NPTN: variants seen among roughly 807,000 people sequenced by gnomAD.
NPTN encodes neuroplastin.
NPTN carries 5 observed loss-of-function variants against 42.7 expected under a neutral mutation model. The ratio of observed to expected loss-of-function variants is 0.12; its 90% CI spans 0.06 to 0.25. The LOEUF (loss-of-function observed/expected upper bound fraction) is 0.25, where lower values mean the gene tolerates loss of function less well. Ranked by LOEUF, NPTN falls within the 10% of genes least tolerant of loss-of-function variation. NPTN has a pLI of 1.00. For missense variants in NPTN, 307 were observed against 525.4 expected, an observed-to-expected ratio of 0.58 and a Z score of 4.06; for synonymous variants, 180 against 201.9, an observed-to-expected ratio of 0.89 and a Z score of 0.92.
intron 1 of NPTN, among the ~76,000 whole-genome samples, chr15:73,600,231 A>G: frequency 6.6e-6 from 1 of 152,214 alleles, no homozygotes; most frequent in Non-Finnish European, 1.5e-5. Flanking sequence ...TGGGACCAAG[A>G]CAAAAATGTT....
chr15:73,578,005 A>T (rs887156448), intron 4 of NPTN, among the ~76,000 whole-genome samples: 4 of 152,208 alleles, frequency 2.6e-5, no homozygotes, highest in African/African-American at 7.2e-5. Flanking sequence ...TATCTGTAGG[A>T]AGAACACTCT....
chr15:73,570,260 C>T lies in NPTN; in HGVS notation c.1004G>A (p.Ser335Asn). Residue 335 changes from serine (S) to asparagine (N), a missense_variant, in exon 6 of 9, where the codon AGC becomes AAC. Ser to Asn is a conservative substitution (Grantham distance 46). Around this residue, in one of 2 missense-constraint regions of NPTN, gnomAD observed 264 missense variants for 491.1 expected, o/e 0.54. Transcript: ENST00000345330. This position sits in a 1 kb window ranked among gnomAD's most constrained non-coding sequence, Gnocchi z 4.0. ...GAAAGGCCAGAGTGGGGCCAGGTGG[C>T]TCCGCACCCTGAGGACAGTGACAAC... Reference protein sequence around the residue: ...ASVVTVLRVRSHLAPLWPFLG... With the variant: ...ASVVTVLRVRNHLAPLWPFLG... 1 of 1,614,242 alleles carries T rather than the reference C, an allele frequency of 6.2e-7. No homozygotes were observed. The highest frequency in any genetic ancestry group is 8.5e-7 in the Non-Finnish European group (1 of 1,180,052).
chr15:73,623,154 C>T (rs921293227), intron 1 of NPTN, among the ~76,000 whole-genome samples: 3 of 152,162 alleles, frequency 2.0e-5, no homozygotes, highest in Non-Finnish European at 4.4e-5. Flanking sequence ...TAAAGTCTAA[C>T]GGGCTCTTTA....
chr15:73,613,549 G>A (rs774682026), intron 1 of NPTN, among the ~76,000 whole-genome samples: 5 of 151,956 alleles, frequency 3.3e-5, no homozygotes, highest in Non-Finnish European at 7.4e-5. Context: ...ATCATATTTA[G>A]TAAAATCATA....
chr15:73,562,825 C>T (rs1397466350), intron 7 of NPTN, among the ~76,000 whole-genome samples: 1 of 151,990 alleles, frequency 6.6e-6, no homozygotes, highest in Non-Finnish European at 1.5e-5. Context: ...AATTTTGTGG[C>T]ACAATATGAG....
chr15:73,606,386 A>G (rs1440344985), intron 1 of NPTN, among the ~76,000 whole-genome samples: 1 of 152,216 alleles, frequency 6.6e-6, no homozygotes, highest in Admixed American at 6.5e-5. Context: ...TCACTTCCCA[A>G]CTTCACAAAT....
At chr15:73,580,835 A>G (rs1204704021) in intron 4 of NPTN, among the ~76,000 whole-genome samples, 2 of 152,036 alleles carry the variant, frequency 1.3e-5, no homozygotes, top group African/African-American at 4.8e-5. Flanking sequence ...GCAGAGCTTC[A>G]GACCTGAAAA....
Position 73,569,876 on chromosome 15 carries a change from G to A in NPTN, c.1114+274C>T. On this transcript the variant is annotated intron_variant, in intron 6 of 8. Transcript: ENST00000345330. This position sits in a 1 kb window ranked among gnomAD's most constrained non-coding sequence, Gnocchi z 4.1. ...CCCATTCACCACATGGGGCCTGAAA[G>A]GCAGATGGGACTAGGGTTTGGAAAA... 1 of 929,738 alleles carries A rather than the reference G, an allele frequency of 1.1e-6. No homozygotes were observed. The highest frequency in any genetic ancestry group is 1.8e-5 in the African/African-American group (1 of 56,186). The allele number at this position is 929,738 out of a possible 1,614,324, so 57.6% of individuals were successfully genotyped here.
intron 1 of NPTN, among the ~76,000 whole-genome samples, chr15:73,612,583 T>C (rs10851863): frequency 0.54 from 82,563 of 151,618 alleles, 22,575 homozygotes; most frequent in African/African-American, 0.56. Context: ...CTGGCTAACA[T>C]GGTGAAACCC....
chr15:73,569,935 C>T lies in NPTN; in HGVS notation c.1114+215G>A, dbSNP rs902294927. On this transcript the variant is annotated intron_variant, in intron 6 of 8. Transcript: ENST00000345330. This position sits in a 1 kb window ranked among gnomAD's most constrained non-coding sequence, Gnocchi z 4.1. ...CAGAGGGAGAGAGCTAAGGACAGCT[C>T]TAGATGGCTAATGCAAAAAAAATAA... 1 of 415,380 alleles carries T rather than the reference C, an allele frequency of 2.4e-6. No homozygotes were observed. Among genetic ancestry groups the T allele is most frequent in the Non-Finnish European group, 3.2e-6 (1 of 309,734 alleles). The allele number at this position is 415,380 out of a possible 1,614,324, so 25.7% of individuals were successfully genotyped here. A position where few individuals can be genotyped will look rare whatever the true frequency, so the allele number is the denominator to read the frequency against.
chr15:73,576,546 C>T (rs967025580), intron 4 of NPTN, among the ~76,000 whole-genome samples: 2 of 152,154 alleles, frequency 1.3e-5, no homozygotes, highest in African/African-American at 4.8e-5. Flanking sequence ...CCAGGCTGGT[C>T]TCAAACTACT....
chr15:73,605,101 G>C (rs553401507), intron 1 of NPTN, among the ~76,000 whole-genome samples: 31 of 135,130 alleles, frequency 2.3e-4, no homozygotes, highest in South Asian at 1.8e-3. Context: ...CTGTCTCAAG[G>C]GGGGGGGGGG....
chr15:73,609,774 A>G (rs899981261), intron 1 of NPTN, among the ~76,000 whole-genome samples: 2 of 152,212 alleles, frequency 1.3e-5, no homozygotes, highest in African/African-American at 4.8e-5. Context: ...TTATATTTAT[A>G]TGACACATAA....
chr15:73,614,857 T>C (rs1026044921), intron 1 of NPTN, among the ~76,000 whole-genome samples: 4 of 152,218 alleles, frequency 2.6e-5, no homozygotes, highest in African/African-American at 9.6e-5. Flanking sequence ...AACAGAATCA[T>C]ATTAATACAT....
intron 3 of NPTN, among the ~76,000 whole-genome samples, chr15:73,589,006 C>T (rs1896458820): frequency 6.6e-6 from 1 of 152,028 alleles, no homozygotes; most frequent in Admixed American, 6.6e-5. Flanking sequence ...AGATTCAGAT[C>T]AAGTTAAGCA....
chr15:73,584,101 G>A (rs1319303858), intron 4 of NPTN, among the ~76,000 whole-genome samples: 1 of 152,196 alleles, frequency 6.6e-6, no homozygotes, highest in Non-Finnish European at 1.5e-5. Flanking sequence ...AAACTCATTT[G>A]AAATGTCCAA....
At chr15:73,577,512 T>C (rs948317126) in intron 4 of NPTN, among the ~76,000 whole-genome samples, 1 of 152,208 alleles carries the variant, frequency 6.6e-6, no homozygotes, top group Non-Finnish European at 1.5e-5. Flanking sequence ...GAACTAACTT[T>C]GGGAGAAACT....
Position 73,633,252 on chromosome 15 carries a change from G to T in NPTN, c.-37C>A. On this transcript the variant is annotated 5_prime_UTR_variant, in exon 1 of 9. Coordinates refer to ENST00000345330, the MANE Select transcript of NPTN (RefSeq NM_012428.4). ...GAAGACCCAACAGCGAATGGGCCGG[G>T]GCCAGAGCCGGGGCCGGGGAAGGGA... 1.4e-6 allele frequency: 2 copies of T among 1,386,572 alleles called. No homozygotes were observed. Among genetic ancestry groups the T allele is most frequent in the Non-Finnish European group, 9.7e-7 (1 of 1,032,732 alleles). 85.9% of individuals were successfully genotyped at this position (1,386,572 alleles called of 1,614,324 possible).
intron 1 of NPTN, among the ~76,000 whole-genome samples, chr15:73,629,375 T>A (rs1325855849): frequency 1.3e-5 from 2 of 152,208 alleles, no homozygotes; most frequent in Admixed American, 6.5e-5. Flanking sequence ...ATGTGTCTTC[T>A]GTTGCTCATT....
Sources: allele counts gnomAD v4.1 joint callset (sites outside exome capture counted in the v4.1 genomes callset), GRCh38; gene constraint gnomAD v4.1.1; regional missense constraint gnomAD v4.1.1; non-coding constraint Gnocchi (gnomAD v3.1); transcripts MANE v1.5; gene names NCBI Gene and HGNC (gene_info 2026-07-23, HGNC 2026-07-21).